CLEC16A: variants seen among roughly 807,000 people sequenced by gnomAD.
CLEC16A encodes the protein C-type lectin domain containing 16A.
CLEC16A carries 51 observed loss-of-function variants against 109.5 expected under a neutral mutation model. The observed-to-expected ratio is 0.47, with a 90% CI of 0.37 to 0.59. The LOEUF (loss-of-function observed/expected upper bound fraction) is 0.59. Among genes scored for constraint, CLEC16A ranks in the 20% least tolerant of loss-of-function variants. The pLI, the probability that CLEC16A is intolerant of heterozygous loss-of-function variation, is 0.00. For synonymous variants in CLEC16A, 673 were observed against 564.2 expected (o/e 1.19, Z -2.73); for missense variants, 1,339 against 1,394.0 (o/e 0.96, Z 0.63).
intron 22 of CLEC16A, chr16:11,156,598 G>A (rs1022242210): frequency 2.9e-5 from 38 of 1,304,166 alleles, no homozygotes; most frequent in Admixed American, 4.6e-5. Context: ...GCAGTAGAGA[G>A]GCAGCCCAGA....
chr16:11,168,436 C>T lies in CLEC16A; in HGVS notation c.2806+1884C>T, dbSNP rs1027035992. ...ATTTGGTGCGTCCCCAGCAGGCCTG[C>T]GGAGACAAGTGTGTAGGTCCCCATT... On this transcript the variant is annotated intron_variant, in intron 23 of 23. Coordinates refer to ENST00000409790, the MANE Select transcript of CLEC16A (RefSeq NM_015226.3). Among the ~76,000 whole-genome samples, 13 of 152,206 alleles carry T rather than the reference C, an allele frequency of 8.5e-5. No individual in the cohort carries two copies. In the South Asian group the frequency reaches 1.5e-3, roughly 17 times the overall value.
intron 22 of CLEC16A, among the ~76,000 whole-genome samples, chr16:11,143,712 CCTT>C (rs1341086852): frequency 6.6e-6 from 1 of 152,198 alleles, no homozygotes; most frequent in Non-Finnish European, 1.5e-5. Flanking sequence ...CGATGTGACA[CCTT>C]CTGCACTTGA....
intron 9 of CLEC16A, among the ~76,000 whole-genome samples, chr16:10,982,496 T>A (rs1403249549): frequency 6.6e-6 from 1 of 152,196 alleles, no homozygotes; most frequent in African/African-American, 2.4e-5. Context: ...GGACAGTGCC[T>A]TCTAGTCTTC....
Position 11,155,109 on chromosome 16 carries a change from G to A in CLEC16A, c.2642-11279G>A, listed in dbSNP as rs561027903. ...CCACTGCACTCCAGGCTTGGTGACA[G>A]AGTGAGACCCTGTCTCCAAAAAAAG... On this transcript the variant is annotated intron_variant, in intron 22 of 23. Coordinates refer to ENST00000409790, the MANE Select transcript of CLEC16A (RefSeq NM_015226.3). Among the ~76,000 whole-genome samples the A allele has an allele frequency of 5.3e-5, 8 of 152,298 alleles. No homozygotes were observed. In the South Asian group the frequency reaches 1.7e-3, roughly 32 times the overall value.
intron 19 of CLEC16A, among the ~76,000 whole-genome samples, chr16:11,108,298 A>T (rs2051346959): frequency 6.6e-6 from 1 of 152,246 alleles, no homozygotes; most frequent in Non-Finnish European, 1.5e-5. Context: ...AGCATTTCCT[A>T]AGCCAAAGAA....
At chr16:11,122,140 C>G (rs568362287) in intron 20 of CLEC16A, among the ~76,000 whole-genome samples, 7 of 152,284 alleles carry the variant, frequency 4.6e-5, no homozygotes, top group African/African-American at 7.2e-5. Flanking sequence ...TCTGCCTTGC[C>G]GCAGCCTGAC....
intron 22 of CLEC16A, among the ~76,000 whole-genome samples, chr16:11,152,769 G>T (rs1337795796): frequency 6.6e-6 from 1 of 152,222 alleles, no homozygotes; most frequent in African/African-American, 2.4e-5. Context: ...CGCCAGTCAG[G>T]TGGTGACGGC....
intron 21 of CLEC16A, among the ~76,000 whole-genome samples, chr16:11,125,029 C>G (rs2052703909): frequency 6.6e-6 from 1 of 152,152 alleles, no homozygotes; most frequent in Non-Finnish European, 1.5e-5. Flanking sequence ...GTGGAGGTTA[C>G]AGTGAGCCAT....
chr16:11,089,006 C>T (rs1020701905), intron 19 of CLEC16A, among the ~76,000 whole-genome samples: 2 of 152,176 alleles, frequency 1.3e-5, no homozygotes, highest in Non-Finnish European at 2.9e-5. Context: ...CCCCCCAGGC[C>T]ACCTGCTTCT....
intron 7 of CLEC16A, 65 bp from the exon 8 acceptor site, chr16:10,977,160 T>C (rs1272890370): frequency 1.4e-6 from 2 of 1,475,984 alleles, no homozygotes; most frequent in African/African-American, 2.8e-5. Context: ...TCTCAGGCCA[T>C]TGATGTTAGG....
intron 13 of CLEC16A, among the ~76,000 whole-genome samples, chr16:11,031,216 G>GT (rs895675422): frequency 1.3e-5 from 2 of 152,188 alleles, no homozygotes; most frequent in African/African-American, 4.8e-5. Context: ...TATGTGGCAC[G>GT]TCCCCAAGGC....
In CLEC16A at chr16:10,948,099, T is replaced by C. The variant is rs188039086; in HGVS notation, c.80+3302T>C. ...TAGTAGAGACGGGGTTTCACCGTGT[T>C]AGCCAGGATGGTCTCGATCTCCTGA... On this transcript the variant is annotated intron_variant, in intron 1 of 23. Transcript: ENST00000409790. 5.5e-3 allele frequency among the ~76,000 whole-genome samples: 838 copies of C among 152,264 alleles called. 6 individuals are homozygous for C. Among genetic ancestry groups the C allele is most frequent in the Middle Eastern group, 0.031 (9 of 292 alleles).
At chr16:11,047,262 C>A (rs202246016) in intron 16 of CLEC16A, 30 bp from the exon 17 acceptor site, 17 of 1,583,078 alleles carry the variant, frequency 1.1e-5, no homozygotes, top group Non-Finnish European at 1.5e-5. Flanking sequence ...TATGAATAAT[C>A]TCCTCTTCCC....
At chr16:11,167,894 C>A (rs1384898600) in intron 23 of CLEC16A, among the ~76,000 whole-genome samples, 1 of 152,196 alleles carries the variant, frequency 6.6e-6, no homozygotes, top group Non-Finnish European at 1.5e-5. Context: ...TAAGACGCAC[C>A]CTCAGTAGCC....
intron 11 of CLEC16A, among the ~76,000 whole-genome samples, chr16:11,014,675 C>T (rs2045635127): frequency 6.6e-6 from 1 of 152,216 alleles, no homozygotes. Context: ...AGTCAGAGCC[C>T]CCTGGAAATC....
intron 19 of CLEC16A, among the ~76,000 whole-genome samples, chr16:11,091,446 C>T (rs1003288297): frequency 3.9e-5 from 6 of 152,288 alleles, no homozygotes; most frequent in South Asian, 2.1e-4. Context: ...CCTCGTAGGG[C>T]GGGTGGGGCT....
At chr16:10,988,824 C>A (rs567434344) in intron 10 of CLEC16A, among the ~76,000 whole-genome samples, 1 of 152,204 alleles carries the variant, frequency 6.6e-6, no homozygotes, top group Admixed American at 6.5e-5. Context: ...AATTAAGTGC[C>A]GTGTAAAGTG....
At chr16:10,969,501 C>G (rs1462655698) in intron 4 of CLEC16A, among the ~76,000 whole-genome samples, 192 bp downstream of exon 4, 1 of 151,990 alleles carries the variant, frequency 6.6e-6, no homozygotes, top group Non-Finnish European at 1.5e-5. Context: ...AAATAAGTTA[C>G]CTTTCTATTA....
chr16:11,175,511 A>C (rs2141030101), intron 23 of CLEC16A, among the ~76,000 whole-genome samples: 1 of 152,340 alleles, frequency 6.6e-6, no homozygotes, highest in East Asian at 1.9e-4. Context: ...CTCACTGGGT[A>C]ATTTTCCCCC....
Sources: gnomAD v4.1 joint callset for allele counts (sites outside exome capture counted in the v4.1 genomes callset) on GRCh38, gnomAD v4.1.1 for gene constraint, MANE v1.5 for transcripts, NCBI Gene and HGNC (gene_info 2026-07-23, HGNC 2026-07-21) for gene names.